The following GALNT13 variants were observed in gnomAD, a reference collection of about 807,000 sequenced individuals.
GALNT13 encodes UDP-GalNAc:polypeptide N-acetylgalactosaminyltransferase 13.
In GALNT13, 28 loss-of-function variants were observed where a neutral mutation model predicts 64.2. The ratio of observed to expected loss-of-function variants is 0.44; its 90% confidence interval spans 0.32 to 0.60. The LOEUF is 0.60. GALNT13 is among the 20% of genes least tolerant of loss of function. The pLI, the probability that GALNT13 is intolerant of heterozygous loss-of-function variation, is 0.05. For synonymous variants in GALNT13, 214 were observed against 224.6 expected, an observed-to-expected ratio of 0.95 and a Z score of 0.42; for missense variants, 577 against 669.8, an observed-to-expected ratio of 0.86 and a Z score of 1.53.
the GALNT13 span, among the ~76,000 whole-genome samples, chr2:153,156,932 T>G: frequency 6.6e-6 from 1 of 152,212 alleles, no homozygotes; most frequent in Non-Finnish European, 1.5e-5. Flanking sequence ...GTTTCTTAAA[T>G]AGGACAAACT....
At chr2:153,217,226 A>G in the GALNT13 span, among the ~76,000 whole-genome samples, 2 of 152,054 alleles carry the variant, frequency 1.3e-5, no homozygotes, top group African/African-American at 4.8e-5. Flanking sequence ...GGTATCAGAC[A>G]TTGTTTCCTC....
chr2:153,644,043 C>T, the GALNT13 span, among the ~76,000 whole-genome samples: 1 of 151,756 alleles, frequency 6.6e-6, no homozygotes, highest in South Asian at 2.1e-4. Context: ...CAACACTGCT[C>T]AGGAGATCTT....
intron 2 of GALNT13, among the ~76,000 whole-genome samples, chr2:153,938,990 A>G (rs1456158177): frequency 6.6e-6 from 1 of 152,180 alleles, no homozygotes; most frequent in Non-Finnish European, 1.5e-5. Context: ...GAGAGGGCGT[A>G]TGTAAGAGAA....
chr2:153,186,637 C>T, the GALNT13 span, among the ~76,000 whole-genome samples: 3,779 of 151,664 alleles, frequency 0.025, 83 homozygotes, highest in Non-Finnish European at 0.034. Context: ...GGCATGATCT[C>T]GGCTCACTGC....
At chr2:153,662,748 G>C in the GALNT13 span, among the ~76,000 whole-genome samples, 5 of 151,964 alleles carry the variant, frequency 3.3e-5, no homozygotes, top group African/African-American at 1.2e-4. Flanking sequence ...AGTGAGCTGT[G>C]GGTTTACTAT....
chr2:153,847,520 A>C, the GALNT13 span, among the ~76,000 whole-genome samples: 1,640 of 152,250 alleles, frequency 0.011, 12 homozygotes, highest in Admixed American at 0.017. Context: ...ACTCATACAG[A>C]GTTAATTAAT....
At chr2:153,344,552 G>A in the GALNT13 span, among the ~76,000 whole-genome samples, 13 of 152,080 alleles carry the variant, frequency 8.5e-5, no homozygotes, top group African/African-American at 1.7e-4. Flanking sequence ...GTGCAGTGGC[G>A]TGATTATATA....
the GALNT13 span, among the ~76,000 whole-genome samples, chr2:153,551,324 G>T: frequency 1.2e-4 from 19 of 152,168 alleles, no homozygotes; most frequent in Non-Finnish European, 2.4e-4. Context: ...GCCTACTACA[G>T]GAACCAATAG....
intron 8 of GALNT13, among the ~76,000 whole-genome samples, chr2:154,274,923 G>A (rs1363702970): frequency 6.6e-6 from 1 of 152,132 alleles, no homozygotes; most frequent in African/African-American, 2.4e-5. Flanking sequence ...TGCTGATAGT[G>A]ATACGGACAA....
chr2:154,208,503 C>T (rs1687588561), intron 4 of GALNT13, among the ~76,000 whole-genome samples: 1 of 152,008 alleles, frequency 6.6e-6, no homozygotes. Flanking sequence ...TGATCTGGAG[C>T]TCAGGTTGTT....
At chr2:154,057,837 C>T (rs1458066472) in intron 3 of GALNT13, among the ~76,000 whole-genome samples, 1 of 152,172 alleles carries the variant, frequency 6.6e-6, no homozygotes, top group Non-Finnish European at 1.5e-5. Flanking sequence ...AATCTACACA[C>T]TAAATGTTTA....
chr2:153,256,297 A>C, the GALNT13 span, among the ~76,000 whole-genome samples: 9 of 151,758 alleles, frequency 5.9e-5, no homozygotes, highest in African/African-American at 1.5e-4. Flanking sequence ...GTAGTTCTCG[A>C]GCCTTGGTTT....
intron 2 of GALNT13, among the ~76,000 whole-genome samples, chr2:153,909,304 G>A (rs991811301): frequency 2.6e-5 from 4 of 152,062 alleles, no homozygotes; most frequent in African/African-American, 7.2e-5. Flanking sequence ...CTGAAACTTT[G>A]CTGAGGTTTA....
chr2:153,310,854 G>T, the GALNT13 span, among the ~76,000 whole-genome samples: 1 of 152,146 alleles, frequency 6.6e-6, no homozygotes, highest in Non-Finnish European at 1.5e-5. Context: ...AATCAGTGAT[G>T]CAAGAATGGC....
intron 3 of GALNT13, among the ~76,000 whole-genome samples, chr2:154,125,401 G>C (rs765984448): frequency 6.6e-6 from 1 of 152,196 alleles, no homozygotes. Context: ...AATAGAGGCA[G>C]GCAAATAGTA....
chr2:154,427,987 A>G (rs941002595), intron 11 of GALNT13, among the ~76,000 whole-genome samples: 1 of 152,206 alleles, frequency 6.6e-6, no homozygotes, highest in African/African-American at 2.4e-5. Context: ...TTGTTGCTAA[A>G]CAGTTATCTC....
the GALNT13 span, among the ~76,000 whole-genome samples, chr2:153,564,201 T>C: frequency 2.4e-5 from 3 of 126,570 alleles, no homozygotes; most frequent in African/African-American, 8.6e-5. Context: ...TTTATATATA[T>C]ATTTTTTTTA....
At chr2:154,191,000 C>T (rs558520503) in intron 4 of GALNT13, among the ~76,000 whole-genome samples, 1 of 152,204 alleles carries the variant, frequency 6.6e-6, no homozygotes, top group African/African-American at 2.4e-5. Context: ...TTCAAATGCT[C>T]AATAGCCACA....
At chr2:154,417,102 A>G (rs552503433) in intron 11 of GALNT13, among the ~76,000 whole-genome samples, 1 of 152,036 alleles carries the variant, frequency 6.6e-6, no homozygotes, top group African/African-American at 2.4e-5. Flanking sequence ...CTTTTCTTCC[A>G]TTAATAACTC....
Sources: allele counts gnomAD v4.1 joint callset (sites outside exome capture counted in the v4.1 genomes callset), GRCh38; gene constraint gnomAD v4.1.1; transcripts MANE v1.5; gene names NCBI Gene and HGNC (gene_info 2026-07-23, HGNC 2026-07-21).